The following KCNIP3 variants were observed in gnomAD, a reference collection of about 807,000 sequenced individuals.
KCNIP3 encodes calsenilin.
In KCNIP3, 28 loss-of-function variants were observed where a neutral mutation model predicts 35.0. The ratio of observed to expected loss-of-function variants is 0.80; its 90% confidence interval spans 0.59 to 1.10. KCNIP3 has a LOEUF of 1.10. Among genes scored for constraint, KCNIP3 ranks in the 50% least tolerant of loss-of-function variants. KCNIP3 has a pLI of 0.00. For missense variants in KCNIP3, 295 were observed against 338.4 expected, an observed-to-expected ratio of 0.87 and a Z score of 1.01; for synonymous variants, 134 against 133.8, an observed-to-expected ratio of 1.00 and a Z score of -0.01.
chr2:95,360,783 AAG>A (rs924451265), intron 2 of KCNIP3, among the ~76,000 whole-genome samples: 18 of 151,912 alleles, frequency 1.2e-4, no homozygotes, highest in Admixed American at 3.9e-4. Flanking sequence ...GAGAGAGAGA[AAG>A]AGGGGGCAAA....
chr2:95,321,894 C>T (rs1402485422), intron 2 of KCNIP3, among the ~76,000 whole-genome samples: 1 of 152,106 alleles, frequency 6.6e-6, no homozygotes, highest in East Asian at 1.9e-4. Context: ...AGAGTCAGAT[C>T]CCCTGACCGC....
In KCNIP3 at chr2:95,347,062, G is replaced by C. The variant is rs752386269; in HGVS notation, c.182-27234G>C. Reference sequence around the variant, plus strand: ...GGAGCTGTGCGCCATGGCCGTGGTGGTGCTGCTGTTCATCGCCGTCCTCAA... The same window carrying C: ...GGAGCTGTGCGCCATGGCCGTGGTGCTGCTGCTGTTCATCGCCGTCCTCAA... On this transcript the variant is annotated intron_variant, in intron 2 of 8. Transcript: ENST00000295225. 6 of 1,612,060 alleles carry C rather than the reference G, an allele frequency of 3.7e-6. No homozygotes were observed. The East Asian group carries it at 1.1e-4, about 30-fold the overall frequency.
At chr2:95,326,184 CAT>C (rs1678776184) in intron 2 of KCNIP3, among the ~76,000 whole-genome samples, 1 of 151,728 alleles carries the variant, frequency 6.6e-6, no homozygotes, top group Non-Finnish European at 1.5e-5. Context: ...TATACACAGT[CAT>C]ACACACATAC....
At chr2:95,299,236 G>A (rs1677957818) in intron 1 of KCNIP3, 2 of 152,444 alleles carry the variant, frequency 1.3e-5, no homozygotes, top group South Asian at 4.1e-4. Context: ...GGCCTGGCCA[G>A]GGAGGGGAGT....
Position 95,362,037 on chromosome 2 carries a change from T to G in KCNIP3, c.182-12259T>G, listed in dbSNP as rs1268893199. 2.6e-5 allele frequency among the ~76,000 whole-genome samples: 4 copies of G among 152,028 alleles called. No homozygotes were observed. In the South Asian group the frequency reaches 8.3e-4, roughly 32 times the overall value. Reference sequence around the variant, plus strand: ...CCTGGTGTGCTGACGGCTGCCTTCTTGCTCTGTCTTCATGTGGCCTTTTGC... The same window carrying G: ...CCTGGTGTGCTGACGGCTGCCTTCTGGCTCTGTCTTCATGTGGCCTTTTGC... On this transcript the variant is annotated intron_variant, in intron 2 of 8. Coordinates refer to ENST00000295225, the MANE Select transcript of KCNIP3 (RefSeq NM_013434.5).
At chr2:95,308,855 C>A (rs1256537998) in intron 1 of KCNIP3, among the ~76,000 whole-genome samples, 3 of 152,230 alleles carry the variant, frequency 2.0e-5, no homozygotes. Context: ...TCTTCCAGGG[C>A]TGCCTCTGTA....
intron 2 of KCNIP3, among the ~76,000 whole-genome samples, chr2:95,343,339 C>T (rs1482605165): frequency 2.6e-5 from 4 of 152,084 alleles, no homozygotes; most frequent in Admixed American, 2.6e-4. Context: ...CATTCCTGGG[C>T]ATTCTTGTCT....
At chr2:95,324,647 T>A (rs1339090382) in intron 2 of KCNIP3, among the ~76,000 whole-genome samples, 1 of 152,086 alleles carries the variant, frequency 6.6e-6, no homozygotes, top group Non-Finnish European at 1.5e-5. Context: ...GCATGGTGGC[T>A]CACGCCTGTA....
At chr2:95,339,882 C>T (rs1679150306) in intron 2 of KCNIP3, among the ~76,000 whole-genome samples, 1 of 152,164 alleles carries the variant, frequency 6.6e-6, no homozygotes, top group East Asian at 1.9e-4. Flanking sequence ...AGGCTCTGTT[C>T]CATGCAGCCA....
chr2:95,380,757 G>A (rs566858064), intron 5 of KCNIP3, among the ~76,000 whole-genome samples: 1 of 152,318 alleles, frequency 6.6e-6, no homozygotes, highest in Non-Finnish European at 1.5e-5. Flanking sequence ...GATTACACCT[G>A]TAATCCCAGC....
intron 2 of KCNIP3, among the ~76,000 whole-genome samples, chr2:95,314,951 C>A (rs566230870): frequency 6.6e-6 from 1 of 152,324 alleles, no homozygotes; most frequent in Admixed American, 6.5e-5. Flanking sequence ...GAACCCGCAA[C>A]GGCTGCCAGA....
chr2:95,352,135 C>T (rs1407482956), intron 2 of KCNIP3, among the ~76,000 whole-genome samples: 6 of 152,022 alleles, frequency 3.9e-5, no homozygotes, highest in Admixed American at 6.6e-5. Flanking sequence ...TGGTGGCGGG[C>T]GTCTGTAATT....
intron 2 of KCNIP3, among the ~76,000 whole-genome samples, chr2:95,330,211 G>T (rs1678891485): frequency 6.6e-6 from 1 of 152,158 alleles, no homozygotes; most frequent in Non-Finnish European, 1.5e-5. Flanking sequence ...AGGGACCTGG[G>T]GCATCTCGAG....
chr2:95,374,280 C>G lies in KCNIP3; in HGVS notation c.182-16C>G. On this transcript the variant is annotated splice_polypyrimidine_tract_variant and intron_variant, in intron 2 of 8. Transcript: ENST00000295225. ...GGCTACAGGCCTTACACTCTCTGGT[C>G]TGTGTCCCACTCCAGATAGCAGCGA... 1 of 1,612,766 alleles carries G rather than the reference C, an allele frequency of 6.2e-7. No homozygotes were observed. Among genetic ancestry groups the G allele is most frequent in the Non-Finnish European group, 8.5e-7 (1 of 1,179,496 alleles).
chr2:95,320,370 A>G (rs1678562622), intron 2 of KCNIP3, among the ~76,000 whole-genome samples: 1 of 151,210 alleles, frequency 6.6e-6, no homozygotes, highest in Non-Finnish European at 1.5e-5. Context: ...TTGCTTCAGG[A>G]CTCCCTCCTG....
At chr2:95,369,315 G>C (rs1407158180) in intron 2 of KCNIP3, among the ~76,000 whole-genome samples, 2 of 151,946 alleles carry the variant, frequency 1.3e-5, no homozygotes, top group Non-Finnish European at 2.9e-5. Flanking sequence ...AACCCCTCTT[G>C]GTGTGGTGTA....
chr2:95,363,411 G>A (rs950320), intron 2 of KCNIP3, among the ~76,000 whole-genome samples: 2 of 151,996 alleles, frequency 1.3e-5, no homozygotes, highest in Admixed American at 6.5e-5. Context: ...CCTCCTACAC[G>A]TCACTCTCTT....
intron 2 of KCNIP3, among the ~76,000 whole-genome samples, chr2:95,319,359 A>C (rs1326194613): frequency 6.6e-6 from 1 of 152,168 alleles, no homozygotes; most frequent in Non-Finnish European, 1.5e-5. Flanking sequence ...CTGTGGCTAC[A>C]TGTGCTGTCC....
chr2:95,328,138 C>T (rs1475228541), intron 2 of KCNIP3, among the ~76,000 whole-genome samples: 1 of 152,242 alleles, frequency 6.6e-6, no homozygotes, highest in Non-Finnish European at 1.5e-5. Flanking sequence ...GGATCTCACA[C>T]ACGCAAGCCT....
Sources: gnomAD v4.1 joint callset for allele counts (sites outside exome capture counted in the v4.1 genomes callset) on GRCh38, gnomAD v4.1.1 for gene constraint, MANE v1.5 for transcripts, NCBI Gene and HGNC (gene_info 2026-07-23, HGNC 2026-07-21) for gene names.